FOXK2: variants seen among roughly 807,000 people sequenced by gnomAD.
FOXK2 encodes forkhead box K2, also known as forkhead box protein K2.
A neutral mutation model predicts 53.3 loss-of-function variants in FOXK2; 24 were observed. That is an observed-to-expected ratio of 0.45 (90% confidence interval 0.33 to 0.63). The LOEUF is 0.63. FOXK2 is among the 30% of genes least tolerant of loss of function. The pLI, the probability that FOXK2 is intolerant of heterozygous loss-of-function variation, is 0.03. For missense variants in FOXK2, 952 were observed against 910.5 expected, an observed-to-expected ratio of 1.05 and a Z score of -0.59; for synonymous variants, 505 against 407.1, an observed-to-expected ratio of 1.24 and a Z score of -2.89.
chr17:82,532,255 C>T (rs1216495463), intron 1 of FOXK2, among the ~76,000 whole-genome samples: 1 of 152,114 alleles, frequency 6.6e-6, no homozygotes, highest in African/African-American at 2.4e-5. Context: ...AGCAATTCTC[C>T]TGCCTCAGCT....
intron 7 of FOXK2, among the ~76,000 whole-genome samples, chr17:82,586,803 A>AG (rs1567985728): frequency 6.6e-6 from 1 of 152,102 alleles, no homozygotes; most frequent in Non-Finnish European, 1.5e-5. Context: ...CGGGAGGCTG[A>AG]GGCGGGAGAA....
At chr17:82,594,883 A>C (rs1423409572) in intron 8 of FOXK2, among the ~76,000 whole-genome samples, 1 of 152,174 alleles carries the variant, frequency 6.6e-6, no homozygotes, top group Non-Finnish European at 1.5e-5. Context: ...CTGTGTCTAC[A>C]AAAAATCACA....
intron 1 of FOXK2, among the ~76,000 whole-genome samples, chr17:82,550,833 CCA>C (rs1324580415): frequency 6.6e-6 from 1 of 152,108 alleles, no homozygotes; most frequent in Non-Finnish European, 1.5e-5. Flanking sequence ...GCTGTGCTGG[CCA>C]CACAAGCCTG....
At position 82,542,166 on chromosome 17, in the gene FOXK2, C is replaced by CT. The variant is rs750005460; in HGVS notation, c.420-21174dup. ...TCCACAAATTTTTTTTTTCTTCTTT[C>CT]TTTTTTTTTTTTTTGAGACAGTTTC... is the stretch of plus-strand genomic sequence containing the variant. On this transcript the variant is annotated intron_variant, in intron 1 of 8. Transcript: ENST00000335255. Among the ~76,000 whole-genome samples, 577 of 115,638 alleles carry CT rather than the reference C, an allele frequency of 5.0e-3. 2 individuals carry two copies. The highest frequency in any genetic ancestry group is 0.015 in the Middle Eastern group (3 of 194). 75.9% of individuals were successfully genotyped at this position (115,638 alleles called of 152,430 possible).
chr17:82,533,554 T>TA (rs945215493), intron 1 of FOXK2, among the ~76,000 whole-genome samples: 3 of 152,132 alleles, frequency 2.0e-5, no homozygotes, highest in African/African-American at 4.8e-5. Flanking sequence ...TATTAAGTAT[T>TA]ACATATTGTA....
intron 1 of FOXK2, among the ~76,000 whole-genome samples, chr17:82,559,863 C>A (rs1308345954): frequency 6.6e-6 from 1 of 151,962 alleles, no homozygotes; most frequent in Non-Finnish European, 1.5e-5. Context: ...GGAAGAGGGC[C>A]AAGTGGGTGA....
In FOXK2 at chr17:82,585,775, A is replaced by G. The variant is rs933249570; in HGVS notation, c.1280-129A>G. 7 of 852,064 alleles carry G rather than the reference A, an allele frequency of 8.2e-6. No homozygotes were observed. The Admixed American group carries it at 1.4e-4, about 17-fold the overall frequency. 52.8% of individuals were successfully genotyped at this position (852,064 alleles called of 1,614,324 possible). ...CATTATTAGTAACTTTACTATTGTG[A>G]GGTGAAATAGGGCCATATCCTATAT... On this transcript the variant is annotated intron_variant, in intron 6 of 8. Transcript: ENST00000335255.
intron 1 of FOXK2, among the ~76,000 whole-genome samples, chr17:82,544,438 C>T (rs751211678): frequency 1.3e-5 from 2 of 152,260 alleles, no homozygotes; most frequent in South Asian, 4.1e-4. Context: ...CACACACACA[C>T]GCCACCCAAA....
intron 1 of FOXK2, among the ~76,000 whole-genome samples, chr17:82,520,872 T>G (rs930000380): frequency 6.6e-6 from 1 of 152,202 alleles, no homozygotes; most frequent in African/African-American, 2.4e-5. Flanking sequence ...TCAAGCATGA[T>G]GGATTTTCAA....
chr17:82,520,718 C>T (rs1006162283), intron 1 of FOXK2, among the ~76,000 whole-genome samples: 1 of 152,206 alleles, frequency 6.6e-6, no homozygotes, highest in Admixed American at 6.6e-5. Context: ...TGTCTCTTAA[C>T]CGATGAAGGG....
intron 1 of FOXK2, among the ~76,000 whole-genome samples, chr17:82,527,713 A>G (rs1477073430): frequency 1.3e-5 from 2 of 152,380 alleles, no homozygotes; most frequent in African/African-American, 2.4e-5. Flanking sequence ...CTATTTTAGC[A>G]TAATTGTTAC....
chr17:82,560,733 C>T (rs1300153652), intron 1 of FOXK2, among the ~76,000 whole-genome samples: 3 of 152,090 alleles, frequency 2.0e-5, no homozygotes, highest in African/African-American at 7.2e-5. Flanking sequence ...CATGGTGGTT[C>T]ACGCCTGTAA....
chr17:82,535,715 T>C (rs1350215326), intron 1 of FOXK2, among the ~76,000 whole-genome samples: 1 of 152,050 alleles, frequency 6.6e-6, no homozygotes, highest in East Asian at 1.9e-4. Flanking sequence ...ACACACACGT[T>C]GTTTTCCTTA....
intron 6 of FOXK2, chr17:82,585,328 TTGTTC>T (rs949396737): frequency 1.3e-5 from 2 of 151,926 alleles, no homozygotes; most frequent in African/African-American, 4.8e-5. Flanking sequence ...TTTTTTTTTT[TTGTTC>T]GTTTGTCTTG....
At chr17:82,544,726 C>T (rs1409783155) in intron 1 of FOXK2, among the ~76,000 whole-genome samples, 1 of 151,992 alleles carries the variant, frequency 6.6e-6, no homozygotes, top group African/African-American at 2.4e-5. Context: ...GATTGTGGAC[C>T]TTTATGGGGC....
chr17:82,555,209 C>T (rs72861084), intron 1 of FOXK2, among the ~76,000 whole-genome samples: 27,196 of 152,098 alleles, frequency 0.18, 2,785 homozygotes, highest in Non-Finnish European at 0.24. Context: ...GGAAGAGGCA[C>T]CTCAGGCCTT....
At chr17:82,552,104 G>A (rs569722470) in intron 1 of FOXK2, among the ~76,000 whole-genome samples, 3 of 152,312 alleles carry the variant, frequency 2.0e-5, no homozygotes, top group African/African-American at 7.2e-5. Context: ...CACTCCCCTC[G>A]CGGTGGACCA....
Position 82,586,052 on chromosome 17 carries a change from G to C in FOXK2, c.1428G>C (p.Gln476His). ...TGCAGACGGTTCACGTCGTCCACCA[G>C]ATCCCAGCGGTGTCGGTCACCAGTG... ...PVVQTVHVVHQIPAVSVTSVA... is the reference protein window; with the variant it reads ...PVVQTVHVVHHIPAVSVTSVA... The change falls in exon 7 of 9, where the codon CAG (glutamine) becomes CAC (histidine). Residue 476 changes from glutamine (Q) to histidine (H), a missense_variant. Transcript: ENST00000335255. The C allele has an allele frequency of 1.9e-6, 3 of 1,612,812 alleles. No homozygotes were observed. The highest frequency in any genetic ancestry group is 2.5e-6 in the Non-Finnish European group (3 of 1,179,998).
chr17:82,560,172 AT>A (rs536358948), intron 1 of FOXK2, among the ~76,000 whole-genome samples: 2 of 149,432 alleles, frequency 1.3e-5, no homozygotes, highest in African/African-American at 2.5e-5. Context: ...TGCCTGGCTT[AT>A]TTTTTTTTGT....
Sources: gnomAD v4.1 joint callset for allele counts (sites outside exome capture counted in the v4.1 genomes callset) on GRCh38, gnomAD v4.1.1 for gene constraint, MANE v1.5 for transcripts, NCBI Gene and HGNC (gene_info 2026-07-23, HGNC 2026-07-21) for gene names.